Variants in MCPH1 observed in about 807,000 individuals in gnomAD.
MCPH1 encodes microcephalin.
Under a neutral mutation model 84.5 loss-of-function variants are expected in MCPH1, and 104 were observed. The observed-to-expected ratio is 1.23, with a 90% CI of 1.05 to 1.45. MCPH1 has a LOEUF of 1.45. Among genes scored for constraint, MCPH1 ranks in the 40% most tolerant of loss-of-function variants. MCPH1 has a pLI of 0.00. For synonymous variants in MCPH1, 514 were observed against 366.8 expected (o/e 1.40, Z -4.58); for missense variants, 1,498 against 1,005.7 (o/e 1.49, Z -6.62).
rs116147759 is a variant in MCPH1, at chr8:6,509,685, G to A, written c.2214+9756G>A. ...TACAGACGATCCCTGACTTCCCATG[G>A]GGCTATGTTCTGATAAGCCCATTTT... On this transcript the variant is annotated intron_variant, in intron 12 of 13. Coordinates refer to ENST00000344683, the MANE Select transcript of MCPH1 (RefSeq NM_024596.5). Among the ~76,000 whole-genome samples, 1,384 of 152,214 alleles carry A rather than the reference G, an allele frequency of 9.1e-3. 20 individuals are homozygous for A. The highest frequency in any genetic ancestry group is 0.031 in the African/African-American group (1,301 of 41,510).
In MCPH1 at chr8:6,627,097, G is replaced by T. The variant is rs2912012; in HGVS notation, c.2452+5406G>T. On this transcript the variant is annotated intron_variant, in intron 13 of 13. Transcript: ENST00000344683. ...CAGGAAAAAGATCCGATAGCATGCA[G>T]GCCTTCTCATGCTGGCCTGGCTCAT... 6 of 985,334 alleles carry T rather than the reference G, an allele frequency of 6.1e-6. 1 individual carries two copies. The highest frequency in any genetic ancestry group is 5.2e-4 in the Middle Eastern group (1 of 1,914). 61.0% of individuals were successfully genotyped at this position (985,334 alleles called of 1,614,324 possible).
intron 12 of MCPH1, among the ~76,000 whole-genome samples, chr8:6,540,608 A>G (rs1821368152): frequency 6.6e-6 from 1 of 152,244 alleles, no homozygotes; most frequent in South Asian, 2.1e-4. Flanking sequence ...ACGTCTGCAT[A>G]TATAGATATA....
intron 8 of MCPH1, among the ~76,000 whole-genome samples, chr8:6,447,663 C>T (rs1804598882): frequency 6.6e-6 from 1 of 152,060 alleles, no homozygotes; most frequent in Non-Finnish European, 1.5e-5. Context: ...CAAGTCTCTG[C>T]CTCAGCCTCC....
intron 10 of MCPH1, among the ~76,000 whole-genome samples, chr8:6,479,621 G>C (rs934772039): frequency 1.3e-5 from 2 of 151,856 alleles, no homozygotes; most frequent in African/African-American, 4.8e-5. Context: ...TTTTTTAGTA[G>C]AGACAGCGTT....
intron 13 of MCPH1, chr8:6,626,438 A>T (rs1832081378): frequency 4.1e-6 from 4 of 982,898 alleles, no homozygotes; most frequent in African/African-American, 1.8e-5. Context: ...TTCAACCAGA[A>T]GGAGAAATGG....
chr8:6,527,197 G>A (rs115231162), intron 12 of MCPH1, among the ~76,000 whole-genome samples: 3,554 of 147,788 alleles, frequency 0.024, 337 homozygotes, highest in African/African-American at 0.09. Context: ...CTGAGGCAGG[G>A]TTTGGAGGAT....
intron 9 of MCPH1, among the ~76,000 whole-genome samples, 174 bp downstream of exon 9, chr8:6,455,426 C>G (rs940624968): frequency 6.6e-6 from 1 of 152,164 alleles, no homozygotes; most frequent in Non-Finnish European, 1.5e-5. Context: ...TGTTTGCATT[C>G]CAGACAAAGA....
intron 13 of MCPH1, among the ~76,000 whole-genome samples, chr8:6,628,191 C>G (rs998368516): frequency 6.6e-6 from 1 of 152,068 alleles, no homozygotes; most frequent in African/African-American, 2.4e-5. Flanking sequence ...CGTATTAAGG[C>G]TGGGCGCAGT....
At chr8:6,417,087 A>T (rs1799414638) in intron 3 of MCPH1, among the ~76,000 whole-genome samples, 1 of 151,956 alleles carries the variant, frequency 6.6e-6, no homozygotes. Flanking sequence ...GTTTTTTAAA[A>T]TTTATTTTGT....
chr8:6,522,199 C>G (rs1563338857), intron 12 of MCPH1, among the ~76,000 whole-genome samples: 2 of 151,870 alleles, frequency 1.3e-5, no homozygotes, highest in African/African-American at 4.8e-5. Context: ...ACTAAAAATA[C>G]AAAAAATTCT....
chr8:6,638,826 G>T (rs181324456), intron 13 of MCPH1, among the ~76,000 whole-genome samples: 8 of 152,298 alleles, frequency 5.3e-5, no homozygotes, highest in Admixed American at 3.3e-4. Context: ...TGTGTTTACA[G>T]TTAGGAACGT....
At chr8:6,570,216 G>A (rs928162384) in intron 12 of MCPH1, among the ~76,000 whole-genome samples, 1 of 152,176 alleles carries the variant, frequency 6.6e-6, no homozygotes, top group African/African-American at 2.4e-5. Context: ...AGATGAAGTT[G>A]AGCACAATTT....
intron 12 of MCPH1, among the ~76,000 whole-genome samples, chr8:6,604,373 G>GTA (rs1346394565): frequency 1.3e-5 from 2 of 152,248 alleles, no homozygotes; most frequent in African/African-American, 4.8e-5. Flanking sequence ...GATCTCTGTT[G>GTA]TAGACTCCAC....
At chr8:6,552,761 G>T (rs1278571899) in intron 12 of MCPH1, among the ~76,000 whole-genome samples, 2 of 151,626 alleles carry the variant, frequency 1.3e-5, no homozygotes, top group Middle Eastern at 3.5e-3. Context: ...TGATTGTTTC[G>T]GCCAGTTAAT....
chr8:6,413,975 A>C (rs10113656), intron 2 of MCPH1, among the ~76,000 whole-genome samples: 1 of 152,092 alleles, frequency 6.6e-6, no homozygotes, highest in Admixed American at 6.5e-5. Flanking sequence ...GGCTAGTCTT[A>C]AATTTCTGAC....
intron 12 of MCPH1, among the ~76,000 whole-genome samples, chr8:6,523,049 G>C (rs543984776): frequency 1.3e-5 from 2 of 151,790 alleles, no homozygotes; most frequent in East Asian, 1.9e-4. Context: ...CCAGACTGGA[G>C]TGCAAGGGTG....
At chr8:6,527,315 C>T (rs1253691780) in intron 12 of MCPH1, among the ~76,000 whole-genome samples, 1 of 152,186 alleles carries the variant, frequency 6.6e-6, no homozygotes, top group African/African-American at 2.4e-5. Flanking sequence ...TGGAGGATTA[C>T]TCTAAGAGGA....
chr8:6,486,662 A>G (rs192835933), intron 11 of MCPH1, among the ~76,000 whole-genome samples: 1 of 152,350 alleles, frequency 6.6e-6, no homozygotes, highest in African/African-American at 2.4e-5. Context: ...GTTTTCAGGA[A>G]AGAGAATAAT....
At chr8:6,488,105 T>A (rs1810147118) in intron 11 of MCPH1, among the ~76,000 whole-genome samples, 1 of 152,266 alleles carries the variant, frequency 6.6e-6, no homozygotes, top group Non-Finnish European at 1.5e-5. Context: ...TTGAGGTGGT[T>A]CCTGAGCAGT....
Sources: allele counts gnomAD v4.1 joint callset (sites outside exome capture counted in the v4.1 genomes callset), GRCh38; gene constraint gnomAD v4.1.1; transcripts MANE v1.5; gene names NCBI Gene and HGNC (gene_info 2026-07-23, HGNC 2026-07-21).